CDK19: variants seen among roughly 807,000 people sequenced by gnomAD.
CDK19 encodes cyclin-dependent kinase 19.
CDK19 carries 20 observed loss-of-function variants against 68.3 expected under a neutral mutation model. The ratio of observed to expected loss-of-function variants is 0.29; its 90% CI spans 0.21 to 0.43. The LOEUF (loss-of-function observed/expected upper bound fraction) is 0.43. Ranked by LOEUF, CDK19 falls within the 20% of genes least tolerant of loss-of-function variation. The pLI is 1.00. For synonymous variants in CDK19, 221 were observed against 222.8 expected, an observed-to-expected ratio of 0.99 and a Z score of 0.07; for missense variants, 339 against 623.5, an observed-to-expected ratio of 0.54 and a Z score of 4.86.
At chr6:110,801,080 G>A (rs774668966) in intron 1 of CDK19, among the ~76,000 whole-genome samples, 31 of 152,090 alleles carry the variant, frequency 2.0e-4, no homozygotes, top group South Asian at 6.2e-4. Context: ...TCCAAGACCC[G>A]ATAAACGACT....
intron 3 of CDK19, among the ~76,000 whole-genome samples, 198 bp from the exon 4 acceptor site, chr6:110,667,772 G>C (rs1782035069): frequency 6.6e-6 from 1 of 151,920 alleles, no homozygotes; most frequent in Non-Finnish European, 1.5e-5. Context: ...TGTTAATGAG[G>C]GGTTATAATG....
At chr6:110,628,040 T>G (rs1023973767) in intron 6 of CDK19, among the ~76,000 whole-genome samples, 4 of 152,150 alleles carry the variant, frequency 2.6e-5, no homozygotes, top group Non-Finnish European at 5.9e-5. Flanking sequence ...TGAAACCCTG[T>G]CTCTATTAAA....
chr6:110,629,520 A>G (rs138473447), intron 6 of CDK19, among the ~76,000 whole-genome samples: 2 of 152,154 alleles, frequency 1.3e-5, no homozygotes, highest in Non-Finnish European at 2.9e-5. Flanking sequence ...ATGCCTGGCT[A>G]ATTTTTGTAT....
chr6:110,699,554 T>A (rs1015086496), intron 2 of CDK19, among the ~76,000 whole-genome samples: 1 of 152,024 alleles, frequency 6.6e-6, no homozygotes, highest in African/African-American at 2.4e-5. Flanking sequence ...CAAAGTGTTA[T>A]AATGGATATT....
At chr6:110,743,832 CA>C (rs969620009) in intron 2 of CDK19, among the ~76,000 whole-genome samples, 1 of 151,978 alleles carries the variant, frequency 6.6e-6, no homozygotes, top group Non-Finnish European at 1.5e-5. Context: ...GCTATTTACC[CA>C]ATTAATTCAT....
At chr6:110,715,183 T>C in intron 2 of CDK19, among the ~76,000 whole-genome samples, 1 of 152,200 alleles carries the variant, frequency 6.6e-6, no homozygotes, top group Non-Finnish European at 1.5e-5. Flanking sequence ...CGTTTAACAT[T>C]TCCTCACCCT....
At chr6:110,699,063 A>AC (rs1213377037) in intron 2 of CDK19, among the ~76,000 whole-genome samples, 1 of 151,312 alleles carries the variant, frequency 6.6e-6, no homozygotes, top group Non-Finnish European at 1.5e-5. Flanking sequence ...CAAAAAAAAA[A>AC]AAAAAAAGTG....
chr6:110,657,913 A>G (rs778652628), intron 4 of CDK19, among the ~76,000 whole-genome samples: 25 of 152,232 alleles, frequency 1.6e-4, no homozygotes, highest in Non-Finnish European at 3.1e-4. Context: ...TAACTGGTGA[A>G]GCATTAATTC....
chr6:110,681,599 T>G (rs1235767245), intron 2 of CDK19, among the ~76,000 whole-genome samples: 1 of 152,158 alleles, frequency 6.6e-6, no homozygotes, highest in East Asian at 1.9e-4. Context: ...AGGGACACAG[T>G]GAAAGGAGAT....
At chr6:110,724,265 G>A (rs1776165067) in intron 2 of CDK19, among the ~76,000 whole-genome samples, 1 of 152,142 alleles carries the variant, frequency 6.6e-6, no homozygotes, top group African/African-American at 2.4e-5. Context: ...TGAGGCAGGA[G>A]AATCACTTGA....
At chr6:110,804,745 GGAGAAC>G (rs1428842087) in intron 1 of CDK19, among the ~76,000 whole-genome samples, 1 of 150,224 alleles carries the variant, frequency 6.7e-6, no homozygotes, top group Non-Finnish European at 1.5e-5. Flanking sequence ...CACGAGGTCA[GGAGAAC>G]GAGACCATCC....
chr6:110,678,301 T>C (rs1055099094), intron 2 of CDK19, among the ~76,000 whole-genome samples: 1 of 151,904 alleles, frequency 6.6e-6, no homozygotes, highest in Non-Finnish European at 1.5e-5. Context: ...AGTCCACCCA[T>C]CTCCCCTGAA....
intron 2 of CDK19, among the ~76,000 whole-genome samples, chr6:110,718,145 T>TACCC (rs1775548528): frequency 6.6e-6 from 1 of 152,170 alleles, no homozygotes. Flanking sequence ...GCCTGTAAGT[T>TACCC]ACCCAGTCCA....
At chr6:110,732,502 C>T (rs937922227) in intron 2 of CDK19, among the ~76,000 whole-genome samples, 33 of 152,094 alleles carry the variant, frequency 2.2e-4, no homozygotes, top group African/African-American at 8.0e-4. Flanking sequence ...CACCACTACA[C>T]TCCAGCGTGG....
intron 6 of CDK19, among the ~76,000 whole-genome samples, chr6:110,627,393 T>G (rs1411400133): frequency 1.3e-5 from 2 of 152,206 alleles, no homozygotes; most frequent in Non-Finnish European, 2.9e-5. Context: ...TATATCATCA[T>G]GTAACAAATT....
chr6:110,762,646 T>C (rs1779304360), intron 1 of CDK19, among the ~76,000 whole-genome samples: 1 of 152,180 alleles, frequency 6.6e-6, no homozygotes, highest in South Asian at 2.1e-4. Flanking sequence ...CCTAGCACAG[T>C]GTCCAGCACC....
rs1778059970 is a variant in CDK19 at position 110,612,132 on chromosome 6, T to C, written c.*2403A>G. ...GCTTATAAAGTATTAAGGGGCATAG[T>C]ATTTTGGTTTACATATCTATCTGGG... On this transcript the variant is annotated 3_prime_UTR_variant, in exon 13 of 13. Transcript: ENST00000368911. 1 of 152,228 alleles carries C rather than the reference T, an allele frequency of 6.6e-6. No homozygotes were observed. The highest frequency in any genetic ancestry group is 1.5e-5 in the Non-Finnish European group (1 of 68,046). The allele number at this position is 152,228 out of a possible 1,614,324, so 9.4% of individuals were successfully genotyped here.
chr6:110,699,735 T>G lies in CDK19; in HGVS notation c.205-29194A>C, dbSNP rs1436446499. ...ACAAGCTATTCAAATTTTTAAAATA[T>G]TAAAAATATAATACACAAGAAAAGG... On this transcript the variant is annotated intron_variant, in intron 2 of 12. Coordinates refer to ENST00000368911, the MANE Select transcript of CDK19 (RefSeq NM_015076.5). 2.6e-5 allele frequency among the ~76,000 whole-genome samples: 4 copies of G among 152,140 alleles called. No homozygotes were observed. The East Asian group carries it at 7.7e-4, about 29-fold the overall frequency.
At chr6:110,780,664 T>C (rs975481596) in intron 1 of CDK19, among the ~76,000 whole-genome samples, 1 of 152,074 alleles carries the variant, frequency 6.6e-6, no homozygotes, top group African/African-American at 2.4e-5. Context: ...TCAAGACATC[T>C]CTACAACAAA....
Sources: gnomAD v4.1 joint callset for allele counts (sites outside exome capture counted in the v4.1 genomes callset) on GRCh38, gnomAD v4.1.1 for gene constraint, MANE v1.5 for transcripts, NCBI Gene and HGNC (gene_info 2026-07-23, HGNC 2026-07-21) for gene names.